The following TRHDE variants were observed in gnomAD, a reference collection of about 807,000 sequenced individuals.
The protein encoded by TRHDE is thyrotropin releasing hormone degrading enzyme.
In TRHDE, 72 loss-of-function variants were observed where a neutral mutation model predicts 125.7. The ratio of observed to expected loss-of-function variants is 0.57; its 90% CI spans 0.47 to 0.70. TRHDE has a LOEUF of 0.70. Ranked by LOEUF, TRHDE falls within the 30% of genes least tolerant of loss-of-function variation. The pLI, the probability that TRHDE is intolerant of heterozygous loss-of-function variation, is 0.00. For synonymous variants in TRHDE, 509 were observed against 509.1 expected (o/e 1.00, Z 0.00); for missense variants, 1,110 against 1,327.1 (o/e 0.84, Z 2.54).
chr12:72,125,881 T>G (rs886181513), intron 2 of TRHDE, among the ~76,000 whole-genome samples: 7 of 152,038 alleles, frequency 4.6e-5, no homozygotes. Context: ...CCCAGGAGGG[T>G]CCTGGAAGAC....
intron 3 of TRHDE, among the ~76,000 whole-genome samples, chr12:72,438,914 A>T (rs1226688249): frequency 1.3e-5 from 2 of 150,686 alleles, no homozygotes; most frequent in African/African-American, 4.8e-5. Flanking sequence ...CTTATGTGTA[A>T]GTCTTTAATC....
intron 1 of TRHDE, among the ~76,000 whole-genome samples, chr12:72,094,302 G>T (rs1874859738): frequency 6.6e-6 from 1 of 152,172 alleles, no homozygotes; most frequent in East Asian, 1.9e-4. Context: ...ACTGGCCCTG[G>T]ACTATGGCTG....
At chr12:72,411,206 A>C (rs1873491000) in intron 3 of TRHDE, among the ~76,000 whole-genome samples, 1 of 151,266 alleles carries the variant, frequency 6.6e-6, no homozygotes, top group Non-Finnish European at 1.5e-5. Context: ...CCATTTCAAA[A>C]AAAAAAAAAA....
intron 2 of TRHDE, among the ~76,000 whole-genome samples, chr12:72,156,711 A>T (rs563974478): frequency 9.8e-5 from 15 of 152,314 alleles, no homozygotes; most frequent in African/African-American, 3.6e-4. Flanking sequence ...TATTTGAGGA[A>T]TTTAAGTGTA....
intron 15 of TRHDE, among the ~76,000 whole-genome samples, chr12:72,644,610 T>C (rs1874201703): frequency 6.6e-6 from 1 of 152,238 alleles, no homozygotes; most frequent in Non-Finnish European, 1.5e-5. Context: ...CTGACAGATC[T>C]GCCATAGTCT....
intron 7 of TRHDE, among the ~76,000 whole-genome samples, 158 bp downstream of exon 7, chr12:72,542,514 A>T (rs1436614615): frequency 6.6e-6 from 1 of 151,442 alleles, no homozygotes; most frequent in Non-Finnish European, 1.5e-5. Context: ...AATTCTAGAT[A>T]GGATACTCAC....
chr12:72,646,813 C>T (rs961415201), intron 15 of TRHDE, among the ~76,000 whole-genome samples: 13 of 151,998 alleles, frequency 8.6e-5, no homozygotes, highest in Non-Finnish European at 1.5e-4. Flanking sequence ...ATGCATTCAA[C>T]ATTAGAGCAC....
intron 15 of TRHDE, among the ~76,000 whole-genome samples, chr12:72,632,459 A>G (rs1007405633): frequency 6.6e-6 from 1 of 151,930 alleles, no homozygotes. Flanking sequence ...GAGTCTATAA[A>G]TAGGGCAATT....
intron 15 of TRHDE, among the ~76,000 whole-genome samples, chr12:72,641,289 T>C (rs1034563962): frequency 6.6e-6 from 1 of 152,250 alleles, no homozygotes; most frequent in African/African-American, 2.4e-5. Flanking sequence ...ATATTGAATG[T>C]GTTTTCTTCT....
At chr12:72,165,434 T>C (rs1592466103) in intron 2 of TRHDE, among the ~76,000 whole-genome samples, 1 of 152,100 alleles carries the variant, frequency 6.6e-6, no homozygotes, top group Non-Finnish European at 1.5e-5. Context: ...CACTAATCCC[T>C]GGGGACCAAA....
chr12:72,375,602 G>T (rs1283730110), intron 2 of TRHDE, among the ~76,000 whole-genome samples: 1 of 152,062 alleles, frequency 6.6e-6, no homozygotes, highest in African/African-American at 2.4e-5. Context: ...GTTTTAACAT[G>T]AATCTACTAG....
At chr12:72,565,302 C>T (rs543111863) in intron 9 of TRHDE, among the ~76,000 whole-genome samples, 4 of 152,110 alleles carry the variant, frequency 2.6e-5, no homozygotes, top group Non-Finnish European at 4.4e-5. Flanking sequence ...TTTGTCTTTT[C>T]ATTTTTCTAA....
intron 2 of TRHDE, among the ~76,000 whole-genome samples, chr12:72,170,011 A>G (rs1206993904): frequency 1.3e-5 from 2 of 152,330 alleles, no homozygotes; most frequent in Non-Finnish European, 2.9e-5. Context: ...AACTTCCACA[A>G]GGTAGAATGG....
Position 72,517,796 on chromosome 12 carries a change from C to G in TRHDE, c.1722+18161C>G, listed in dbSNP as rs1280505819. Among the ~76,000 whole-genome samples, 92 of 151,434 alleles carry G rather than the reference C, an allele frequency of 6.1e-4. 1 individual carries two copies. The highest frequency in any genetic ancestry group is 3.4e-3 in the Middle Eastern group (1 of 290). On this transcript the variant is annotated intron_variant, in intron 6 of 18. Transcript: ENST00000261180. ...TGTGGGCATTTAGTGCTATAAATTT[C>G]CCTCTACACACTGCTTTGAATGCGT...
chr12:72,518,152 C>G (rs1440705766), intron 6 of TRHDE, among the ~76,000 whole-genome samples: 1 of 150,850 alleles, frequency 6.6e-6, no homozygotes, highest in East Asian at 1.9e-4. Context: ...CTGTAGATGT[C>G]TATTAGGTCT....
At chr12:72,404,716 A>G (rs1475350018) in intron 3 of TRHDE, among the ~76,000 whole-genome samples, 1 of 152,188 alleles carries the variant, frequency 6.6e-6, no homozygotes, top group Non-Finnish European at 1.5e-5. Context: ...ATCACCTCCC[A>G]TCAGGTCCTT....
chr12:72,152,453 G>T (rs1592460597), intron 2 of TRHDE, among the ~76,000 whole-genome samples: 1 of 152,100 alleles, frequency 6.6e-6, no homozygotes, highest in Non-Finnish European at 1.5e-5. Flanking sequence ...AGTGGTGAAA[G>T]AGGGCATCCC....
At chr12:72,302,186 G>C (rs754718813) in intron 2 of TRHDE, among the ~76,000 whole-genome samples, 10 of 152,004 alleles carry the variant, frequency 6.6e-5, no homozygotes, top group Non-Finnish European at 1.3e-4. Flanking sequence ...GGTGTTTGAA[G>C]AGATAACGAT....
intron 1 of TRHDE, among the ~76,000 whole-genome samples, chr12:72,093,922 A>G (rs1566209434): frequency 6.6e-6 from 1 of 152,012 alleles, no homozygotes; most frequent in Non-Finnish European, 1.5e-5. Context: ...TTGCATTGGT[A>G]TCTGTATTTG....
Sources: allele counts gnomAD v4.1 joint callset (sites outside exome capture counted in the v4.1 genomes callset), GRCh38; gene constraint gnomAD v4.1.1; transcripts MANE v1.5; gene names NCBI Gene and HGNC (gene_info 2026-07-23, HGNC 2026-07-21).